CEP120: variants seen among roughly 807,000 people sequenced by gnomAD.
CEP120 encodes centrosomal protein of 120 kDa.
Under a neutral mutation model 126.5 loss-of-function variants are expected in CEP120, and 113 were observed. The ratio of observed to expected loss-of-function variants is 0.89; its 90% CI spans 0.77 to 1.04. The LOEUF (loss-of-function observed/expected upper bound fraction) is 1.04, where lower values mean the gene tolerates loss of function less well. Ranked by LOEUF, CEP120 falls within the 50% of genes least tolerant of loss-of-function variation. CEP120 has a pLI of 0.00. For synonymous variants in CEP120, 400 were observed against 394.3 expected (o/e 1.01, Z -0.17); for missense variants, 1,230 against 1,155.7 (o/e 1.06, Z -0.93).
At position 123,391,202 on chromosome 5, in the gene CEP120, T is replaced by C. The variant is rs1171654367; in HGVS notation, c.946A>G (p.Arg316Gly). ...ATAGGTGCAAGCTTCTGTTTGGCTC[T>C]GTTTGGAGGGTCAAGGGTAAAAGCA... Reference protein sequence around the residue: ...EGAFTLDPPNRAKQKLAPIPV... With the variant: ...EGAFTLDPPNGAKQKLAPIPV... Residue 316 changes from arginine to glycine, a missense_variant, in exon 7 of 20, where the codon AGA becomes GGA. Coordinates refer to ENST00000306467, the MANE Select transcript of CEP120 (RefSeq NM_001375405.1). 1 of 1,614,054 alleles carries C rather than the reference T, an allele frequency of 6.2e-7. No homozygotes were observed. Among genetic ancestry groups the C allele is most frequent in the African/African-American group, 1.3e-5 (1 of 74,920 alleles).
At chr5:123,381,247 G>A (rs912896933) in intron 14 of CEP120, among the ~76,000 whole-genome samples, 1 of 152,130 alleles carries the variant, frequency 6.6e-6, no homozygotes, top group South Asian at 2.1e-4. Context: ...CTTACTGCCT[G>A]AAGACTGTAG....
chr5:123,374,677 T>A (rs1771081200), intron 16 of CEP120, among the ~76,000 whole-genome samples: 1 of 152,144 alleles, frequency 6.6e-6, no homozygotes, highest in African/African-American at 2.4e-5. Context: ...CTAGCATGTT[T>A]AGGTAATGTA....
intron 18 of CEP120, among the ~76,000 whole-genome samples, chr5:123,350,781 G>C (rs1209827431): frequency 2.0e-5 from 3 of 152,140 alleles, no homozygotes; most frequent in Non-Finnish European, 4.4e-5. Flanking sequence ...ATACATTCTA[G>C]TTTGCATTTT....
At chr5:123,363,237 C>T (rs1313861182) in intron 18 of CEP120, among the ~76,000 whole-genome samples, 3 of 151,610 alleles carry the variant, frequency 2.0e-5, no homozygotes, top group African/African-American at 7.3e-5. Context: ...ATCACAAATA[C>T]CTCCTCTCCT....
rs891231559 is a variant in CEP120 at position 123,401,425 on chromosome 5, C to G, written c.464-2141G>C. 1.3e-5 allele frequency: 18 copies of G among 1,399,476 alleles called. No homozygotes were observed. In the African/African-American group the frequency reaches 2.4e-4, roughly 19 times the overall value. The allele number at this position is 1,399,476 out of a possible 1,614,324, so 86.7% of individuals were successfully genotyped here. ...TGATGTTCCGGTTCATCTCGGAGAT[C>G]TTAGTCTTTGTGCACCGCAGGTTAT... On this transcript the variant is annotated intron_variant, in intron 4 of 19. Transcript: ENST00000306467.
At chr5:123,405,447 G>T (rs916988339) in intron 4 of CEP120, among the ~76,000 whole-genome samples, 1 of 152,158 alleles carries the variant, frequency 6.6e-6, no homozygotes, top group Admixed American at 6.5e-5. Flanking sequence ...TGTTAACAAG[G>T]CCTGCCCTCG....
chr5:123,359,134 G>C (rs1419819635), intron 18 of CEP120, among the ~76,000 whole-genome samples: 1 of 151,972 alleles, frequency 6.6e-6, no homozygotes, highest in South Asian at 2.1e-4. Flanking sequence ...GCAGGAGGCT[G>C]GACAAGATAG....
chr5:123,395,873 G>A (rs1178627800), intron 5 of CEP120, among the ~76,000 whole-genome samples: 3 of 151,566 alleles, frequency 2.0e-5, no homozygotes, highest in Non-Finnish European at 2.9e-5. Flanking sequence ...TAGTAGAGAT[G>A]GGGTTTCACC....
At chr5:123,393,603 T>C (rs1772551809) in intron 5 of CEP120, 106 bp from the exon 6 acceptor site, 4 of 902,746 alleles carry the variant, frequency 4.4e-6, no homozygotes. Context: ...TTTTTTTATT[T>C]GATGTCTTAA....
chr5:123,419,601 C>G (rs943727526), intron 1 of CEP120, among the ~76,000 whole-genome samples: 3 of 150,818 alleles, frequency 2.0e-5, no homozygotes, highest in Non-Finnish European at 3.0e-5. Context: ...AGAAAAATAG[C>G]CACATGGATT....
chr5:123,386,422 T>C (rs1008194562), intron 10 of CEP120, 96 bp downstream of exon 10: 4 of 889,918 alleles, frequency 4.5e-6, no homozygotes, highest in East Asian at 3.3e-5. Context: ...TAAACTGCTA[T>C]GGATTTAAAC....
At chr5:123,381,625 G>C (rs1266339854) in intron 14 of CEP120, among the ~76,000 whole-genome samples, 1 of 151,992 alleles carries the variant, frequency 6.6e-6, no homozygotes, top group Non-Finnish European at 1.5e-5. Context: ...CTTAAAAATA[G>C]CTTAAACGTT....
rs1772297410 is a variant in CEP120 at position 123,390,133 on chromosome 5, A to G, written c.1046T>C (p.Ile349Thr). ...ATGTTCATTCTGGGTCTTTAATTCA[A>G]TTAAAGACTAAAAACAATTTTTAAA... Reference protein sequence around the residue: ...QREGIDSQSLIELKTQNEHEP... With the variant: ...QREGIDSQSLTELKTQNEHEP... Residue 349 changes from isoleucine (I) to threonine (T), a missense_variant, in exon 8 of 20, where the codon ATT becomes ACT. Ile to Thr is a moderately conservative substitution (Grantham distance 89). Coordinates refer to ENST00000306467, the MANE Select transcript of CEP120 (RefSeq NM_001375405.1). 6.3e-7 allele frequency: 1 copy of G among 1,598,792 alleles called. No individual in the cohort carries two copies.
In CEP120 at chr5:123,409,992, C is replaced by CCACACA. The variant is rs552203939; in HGVS notation, c.463+2401_463+2406dup. Among the ~76,000 whole-genome samples, 407 of 83,774 alleles carry CCACACA rather than the reference C, an allele frequency of 4.9e-3. 3 individuals are homozygous for CCACACA. The highest frequency in any genetic ancestry group is 0.012 in the South Asian group (24 of 2,082). 55.0% of individuals were successfully genotyped at this position (83,774 alleles called of 152,430 possible). ...CAAGCAAAAAAAAAAAAAAAAAAAA[C>CCACACA]CACACACACACACACACACACACAA... On this transcript the variant is annotated intron_variant, in intron 4 of 19. Transcript: ENST00000306467.
At chr5:123,365,020 T>C (rs374939593) in intron 17 of CEP120, among the ~76,000 whole-genome samples, 1 of 151,620 alleles carries the variant, frequency 6.6e-6, no homozygotes, top group South Asian at 2.1e-4. Context: ...AATTTTGTCT[T>C]ATGAAGACAG....
Position 123,356,045 on chromosome 5 carries a change from C to T in CEP120, c.2581-5956G>A, listed in dbSNP as rs896058121. Among the ~76,000 whole-genome samples, 254 of 152,228 alleles carry T rather than the reference C, an allele frequency of 1.7e-3. 2 individuals are homozygous for T. Among genetic ancestry groups the T allele is most frequent in the Non-Finnish European group, 3.0e-3 (207 of 68,028 alleles). ...TTTATTAAATAGGGAATCCTTTCCCCATTTCCTGTTTTTGTCAGGTTTGTC... is the reference window on the plus strand; with the variant it reads ...TTTATTAAATAGGGAATCCTTTCCCTATTTCCTGTTTTTGTCAGGTTTGTC... On this transcript the variant is annotated intron_variant, in intron 18 of 19. Transcript: ENST00000306467.
At chr5:123,402,197 G>A (rs1215398794) in intron 4 of CEP120, 3 of 1,564,722 alleles carry the variant, frequency 1.9e-6, no homozygotes, top group African/African-American at 2.7e-5. Flanking sequence ...CGCCGCCCAG[G>A]CCACCCCGAA....
At chr5:123,351,675 A>G (rs1769208420) in intron 18 of CEP120, among the ~76,000 whole-genome samples, 2 of 152,194 alleles carry the variant, frequency 1.3e-5, no homozygotes, top group African/African-American at 4.8e-5. Flanking sequence ...GGATGGGACC[A>G]TCTAAACATG....
intron 18 of CEP120, among the ~76,000 whole-genome samples, chr5:123,354,260 G>A (rs1471194316): frequency 6.6e-6 from 1 of 152,078 alleles, no homozygotes; most frequent in Non-Finnish European, 1.5e-5. Flanking sequence ...ACTGTGGTCA[G>A]AGAACATATT....
Sources: allele counts gnomAD v4.1 joint callset (sites outside exome capture counted in the v4.1 genomes callset), GRCh38; gene constraint gnomAD v4.1.1; transcripts MANE v1.5; gene names NCBI Gene and HGNC (gene_info 2026-07-23, HGNC 2026-07-21).